The following ATXN2L variants were observed in gnomAD, a reference collection of about 807,000 sequenced individuals.
ATXN2L encodes the protein ataxin 2 like.
In ATXN2L, 24 loss-of-function variants were observed where a neutral mutation model predicts 120.7. The observed-to-expected ratio is 0.20, with a 90% CI of 0.14 to 0.28. The LOEUF (loss-of-function observed/expected upper bound fraction) is 0.28, where lower values mean the gene tolerates loss of function less well. Ranked by LOEUF, ATXN2L falls within the 10% of genes least tolerant of loss-of-function variation. The pLI, the probability that ATXN2L is intolerant of heterozygous loss-of-function variation, is 1.00. For missense variants in ATXN2L, 1,312 were observed against 1,432.3 expected, an observed-to-expected ratio of 0.92 and a Z score of 1.36; for synonymous variants, 653 against 568.1, an observed-to-expected ratio of 1.15 and a Z score of -2.13.
chr16:28,831,320 G>A (rs2054322985), intron 10 of ATXN2L, among the ~76,000 whole-genome samples: 1 of 149,976 alleles, frequency 6.7e-6, no homozygotes, highest in African/African-American at 2.5e-5. Context: ...GCTAAGTTTT[G>A]TTTTGTTTTG....
Position 28,825,388 on chromosome 16 carries a change from C to A in ATXN2L, c.322C>A (p.Pro108Thr). The A allele has an allele frequency of 2.5e-6, 4 of 1,613,830 alleles. No individual in the cohort carries two copies. The South Asian group carries it at 3.3e-5, about 13-fold the overall frequency. ...TAGGGGACAGAGCACAGGAAAGGGA[C>A]CCCCACAGTCACCTGTGAGTGTCTT... ...SARGQSTGKG[P>T]PQSPVFEGVY... is the part of the protein sequence containing the mutation. The change falls in exon 2 of 22, where the codon CCC becomes ACC. Residue 108 changes from proline to threonine, a missense_variant. Pro to Thr is a conservative substitution (Grantham distance 38). Coordinates refer to ENST00000336783, the MANE Select transcript of ATXN2L (RefSeq NM_007245.4).
intron 10 of ATXN2L, 107 bp downstream of exon 10, chr16:28,831,179 T>A (rs1322874833): frequency 6.6e-5 from 55 of 836,152 alleles, no homozygotes; most frequent in Non-Finnish European, 3.5e-5. Context: ...TTAAGATAGA[T>A]GTTTTGGGCA....
At chr16:28,832,959 C>G (rs554885266) in intron 13 of ATXN2L, 72 bp downstream of exon 13, 1 of 1,595,126 alleles carries the variant, frequency 6.3e-7, no homozygotes, top group African/African-American at 1.3e-5. Context: ...AGGCAAAGGA[C>G]TAGATAGGAG....
In ATXN2L at chr16:28,834,687, C is replaced by G. The variant is rs144872623; in HGVS notation, c.2427C>G (p.Pro809=). 2 of 1,609,664 alleles carry G rather than the reference C, an allele frequency of 1.2e-6. No individual in the cohort carries two copies. The highest frequency in any genetic ancestry group is 1.7e-5 in the Admixed American group (1 of 59,612). The change falls in exon 18 of 22, where the codon CCC becomes CCG. Residue 809 remains proline, a synonymous_variant. Coordinates refer to ENST00000336783, the MANE Select transcript of ATXN2L (RefSeq NM_007245.4). ...TGATGCAGCCCATGGCCCACTACCCCTCACAGGTGACTGCGGCCCAGGAGG... is the reference window on the plus strand; with the variant it reads ...TGATGCAGCCCATGGCCCACTACCCGTCACAGGTGACTGCGGCCCAGGAGG... ...PAMMQPMAHY[P]SQPVFAPMLQ...
intron 18 of ATXN2L, 79 bp from the exon 19 acceptor site, chr16:28,834,979 G>T (rs1466222975): frequency 6.5e-7 from 1 of 1,542,308 alleles, no homozygotes; most frequent in African/African-American, 1.4e-5. Flanking sequence ...CCCAAGCGGT[G>T]CTGTGCACGC....
rs1309142685 is a variant in ATXN2L at position 28,825,763 on chromosome 16, C to G, written c.394-7C>G. On this transcript the variant is annotated splice_polypyrimidine_tract_variant and splice_region_variant and intron_variant, in intron 3 of 21. Transcript: ENST00000336783. Reference sequence around the variant, plus strand: ...AGACACTCTTCTTATTTTTCCCACTCTGCCAGGGCTCCACTTGTGATGTAA... The same window carrying G: ...AGACACTCTTCTTATTTTTCCCACTGTGCCAGGGCTCCACTTGTGATGTAA... 1 of 1,614,022 alleles carries G rather than the reference C, an allele frequency of 6.2e-7. No homozygotes were observed. Among genetic ancestry groups the G allele is most frequent in the African/African-American group, 1.3e-5 (1 of 75,044 alleles).
At position 28,825,624 on chromosome 16, in the gene ATXN2L, G is replaced by C; in HGVS notation, c.337G>C (p.Val113Leu). 4.3e-6 allele frequency: 7 copies of C among 1,613,942 alleles called. No homozygotes were observed. Among genetic ancestry groups the C allele is most frequent in the Non-Finnish European group, 5.9e-6 (7 of 1,179,806 alleles). Residue 113 changes from valine (V) to leucine (L), a missense_variant and splice_region_variant, in exon 3 of 22, where the codon GTG becomes CTG. Transcript: ENST00000336783. The part of the protein sequence containing the change: ...STGKGPPQSP[V>L]FEGVYNNSRM... ...TTCTCCCTCTTATGTTAACTGACAGGTGTTTGAAGGCGTCTACAACAATTC... is the reference window on the plus strand; with the variant it reads ...TTCTCCCTCTTATGTTAACTGACAGCTGTTTGAAGGCGTCTACAACAATTC...
intron 10 of ATXN2L, 26 bp downstream of exon 10, chr16:28,831,098 A>G (rs1265875686): frequency 5.4e-6 from 8 of 1,468,606 alleles, no homozygotes; most frequent in East Asian, 2.3e-5. Context: ...TGTTGGATGA[A>G]GAAATGGATG....
Position 28,833,149 on chromosome 16 carries a change from G to T in ATXN2L, c.1750G>T (p.Asp584Tyr), listed in dbSNP as rs1567426112. 2 of 1,614,196 alleles carry T rather than the reference G, an allele frequency of 1.2e-6. No individual in the cohort carries two copies. Among genetic ancestry groups the T allele is most frequent in the Admixed American group, 3.3e-5 (2 of 60,030 alleles). The stretch of plus-strand genomic sequence containing the variant: ...GCCCAAAGGAAAGGAGAAAGAGGTT[G>T]ATGGTCTGTTGACTTCAGAGCCCAT... ...EEPKGKEKEV[D>Y]GLLTSEPMGS... The change falls in exon 14 of 22, where the codon GAT becomes TAT. Residue 584 changes from aspartate (D) to tyrosine (Y), a missense_variant. Transcript: ENST00000336783.
Position 28,837,113 on chromosome 16 carries a change from C to T in ATXN2L, c.*848C>T, listed in dbSNP as rs1208707290. ...CCCCCTGTTCTTTCTTTCCCATTAA[C>T]TTGAGTGACCTGTGTGAGAGACAGA... On this transcript the variant is annotated 3_prime_UTR_variant, in exon 22 of 22. Coordinates refer to ENST00000336783, the MANE Select transcript of ATXN2L (RefSeq NM_007245.4). The T allele has an allele frequency of 2.0e-6, 1 of 491,816 alleles. No homozygotes were observed. Among genetic ancestry groups the T allele is most frequent in the East Asian group, 5.9e-5 (1 of 16,828 alleles). 30.5% of individuals were successfully genotyped at this position (491,816 alleles called of 1,614,324 possible).
intron 15 of ATXN2L, 130 bp from the exon 16 acceptor site, chr16:28,833,935 G>A: frequency 9.2e-7 from 1 of 1,084,054 alleles, no homozygotes; most frequent in Non-Finnish European, 1.3e-6. Flanking sequence ...TTAATGTGAG[G>A]CTTTATCAAG....
rs1289192874 is a variant in ATXN2L, at chr16:28,833,877, A to G, written c.2026-188A>G. 5.3e-6 allele frequency: 4 copies of G among 754,612 alleles called. No homozygotes were observed. In the South Asian group the frequency reaches 5.6e-5, roughly 11 times the overall value. The allele number at this position is 754,612 out of a possible 1,614,324, so 46.7% of individuals were successfully genotyped here. ...GTTTGTGATCTTGGACGTCACTTAC[A>G]TTCTCTGCCTCACCTGTAACTTTAG... On this transcript the variant is annotated intron_variant, in intron 15 of 21. Transcript: ENST00000336783.
In ATXN2L at chr16:28,835,728, C is replaced by T. The variant is rs773845125; in HGVS notation, c.2865C>T (p.His955=). The T allele has an allele frequency of 5.5e-5, 89 of 1,614,016 alleles. 1 individual carries two copies. Among genetic ancestry groups the T allele is most frequent in the East Asian group, 2.7e-4 (12 of 44,894 alleles). The part of the protein sequence containing the change: ...VYAIHHQQLP[H]GFTNMAHVTQ... ...CCATCCACCACCAGCAGCTGCCCCA[C>T]GGCTTCACCAACATGGCCCATGTTA... is the stretch of plus-strand genomic sequence containing the variant. Residue 955 remains histidine (H), a synonymous_variant, in exon 21 of 22, where the codon CAC becomes CAT. Coordinates refer to ENST00000336783, the MANE Select transcript of ATXN2L (RefSeq NM_007245.4).
intron 1 of ATXN2L, 89 bp from the exon 2 acceptor site, chr16:28,825,277 T>C: frequency 8.5e-7 from 1 of 1,173,904 alleles, no homozygotes; most frequent in Middle Eastern, 2.0e-4. Flanking sequence ...CATCATCAGG[T>C]GGTATATACT....
In ATXN2L at chr16:28,830,771, G is replaced by T; in HGVS notation, c.1191G>T (p.Glu397Asp). The part of the protein sequence containing the change: ...LDNSSPGPGS[E>D]ARGINGGPSR... ...ACAGCAGCCCTGGCCCAGGTTCTGA[G>T]GCCCGTGGTATCAATGGAGGTGAGT... The change falls in exon 9 of 22, where the codon GAG becomes GAT. Residue 397 changes from glutamate (E) to aspartate (D), a missense_variant. By Grantham distance (45) the Glu-to-Asp change is conservative. Transcript: ENST00000336783. The T allele has an allele frequency of 4.4e-6, 7 of 1,605,774 alleles. No individual in the cohort carries two copies. Among genetic ancestry groups the T allele is most frequent in the Non-Finnish European group, 5.9e-6 (7 of 1,176,702 alleles).
chr16:28,823,878 T>A, intron 1 of ATXN2L: 1 of 291,640 alleles, frequency 3.4e-6, no homozygotes, highest in Non-Finnish European at 6.1e-6. Context: ...CTGATCGGGG[T>A]CCCCGGTTCC....
Position 28,823,218 on chromosome 16 carries a change from C to A in ATXN2L, c.-42C>A. ...CGGGGCCCCAGCCCCGGCCCCCTCT[C>A]TCCCTCCCTTCTCTCTAATTCCCCT... On this transcript the variant is annotated 5_prime_UTR_variant, in exon 1 of 22. Transcript: ENST00000336783. 1.6e-6 allele frequency: 2 copies of A among 1,274,352 alleles called. No individual in the cohort carries two copies. The highest frequency in any genetic ancestry group is 2.0e-6 in the Non-Finnish European group (2 of 983,854). 78.9% of individuals were successfully genotyped at this position (1,274,352 alleles called of 1,614,324 possible).
At position 28,834,576 on chromosome 16, in the gene ATXN2L, G is replaced by A. The variant is rs768662445; in HGVS notation, c.2316G>A (p.Ala772=). Residue 772 remains alanine, a synonymous_variant, in exon 18 of 22, where the codon GCG becomes GCA. Transcript: ENST00000336783. The part of the protein sequence containing the change: ...ASAPPMMQAA[A]AAGPPLVAAT... Reference sequence around the variant, plus strand: ...CCCCGCCGATGATGCAGGCCGCCGCGGCTGCTGGCCCGCCTCTGGTGGCTG... The same window carrying A: ...CCCCGCCGATGATGCAGGCCGCCGCAGCTGCTGGCCCGCCTCTGGTGGCTG... The A allele has an allele frequency of 3.7e-5, 60 of 1,612,746 alleles. No homozygotes were observed. Among genetic ancestry groups the A allele is most frequent in the African/African-American group, 1.1e-4 (8 of 74,908 alleles).
At position 28,825,773 on chromosome 16, in the gene ATXN2L, T is replaced by A. The variant is rs1307566492; in HGVS notation, c.397T>A (p.Ser133Thr). The A allele has an allele frequency of 4.3e-6, 7 of 1,613,994 alleles. No homozygotes were observed. The highest frequency in any genetic ancestry group is 5.9e-6 in the Non-Finnish European group (7 of 1,179,954). The change falls in exon 4 of 22, where the codon TCC becomes ACC. Residue 133 changes from serine to threonine, a missense_variant. By Grantham distance (58) the Ser-to-Thr change is moderately conservative. Coordinates refer to ENST00000336783, the MANE Select transcript of ATXN2L (RefSeq NM_007245.4). Reference protein sequence around the residue: ...MLHFLTAVVGSTCDVKVKNGT... With the variant: ...MLHFLTAVVGTTCDVKVKNGT... ...CTTATTTTTCCCACTCTGCCAGGGC[T>A]CCACTTGTGATGTAAAGGTGAAAAA...
Sources: gnomAD v4.1 joint callset for allele counts (sites outside exome capture counted in the v4.1 genomes callset) on GRCh38, gnomAD v4.1.1 for gene constraint, MANE v1.5 for transcripts, NCBI Gene and HGNC (gene_info 2026-07-23, HGNC 2026-07-21) for gene names.